CD4: variants seen among roughly 807,000 people sequenced by gnomAD.
CD4 encodes the protein CD4 molecule, also known as T-cell surface glycoprotein CD4.
In CD4, 25 loss-of-function variants were observed where a neutral mutation model predicts 50.5. The ratio of observed to expected loss-of-function variants is 0.49; its 90% CI spans 0.36 to 0.69. The LOEUF is 0.69. CD4 is among the 30% of genes least tolerant of loss of function. CD4 has a pLI of 0.00. For missense variants in CD4, 456 were observed against 548.5 expected, an observed-to-expected ratio of 0.83 and a Z score of 1.68; for synonymous variants, 207 against 221.9, an observed-to-expected ratio of 0.93 and a Z score of 0.60.
At chr12:6,806,160 C>G (rs76714906) in intron 3 of CD4, among the ~76,000 whole-genome samples, 1 of 100,694 alleles carries the variant, frequency 9.9e-6, no homozygotes, top group Non-Finnish European at 1.9e-5. Flanking sequence ...GGTACATACA[C>G]ACACACACAC....
At chr12:6,808,256 A>G (rs1942830635) in intron 3 of CD4, among the ~76,000 whole-genome samples, 5 of 140,806 alleles carry the variant, frequency 3.6e-5, no homozygotes, top group Admixed American at 2.2e-4. Context: ...AGATTGAGCC[A>G]CTCTGGCTAA....
intron 1 of CD4, among the ~76,000 whole-genome samples, chr12:6,793,434 G>A (rs1171067095): frequency 2.6e-5 from 4 of 152,084 alleles, no homozygotes; most frequent in Non-Finnish European, 5.9e-5. Context: ...GTCAGTCTGG[G>A]ATGGGGGACA....
At chr12:6,791,507 T>G (rs967119576) in intron 1 of CD4, among the ~76,000 whole-genome samples, 1 of 152,224 alleles carries the variant, frequency 6.6e-6, no homozygotes, top group Non-Finnish European at 1.5e-5. Flanking sequence ...CCTCCCAAAG[T>G]GCTGGCATTA....
chr12:6,792,902 C>G lies in CD4; in HGVS notation c.-68+3240C>G, dbSNP rs926502991. On this transcript the variant is annotated intron_variant, in intron 1 of 9. Transcript: ENST00000011653. This position sits in a 1 kb window ranked among gnomAD's most constrained non-coding sequence, Gnocchi z 4.1. Reference sequence around the variant, plus strand: ...GGGAGCTGCAGGCTGGGGGCATAAGCTGGGGGCTGGGAAGCATAGATACAG... The same window carrying G: ...GGGAGCTGCAGGCTGGGGGCATAAGGTGGGGGCTGGGAAGCATAGATACAG... 5.3e-5 allele frequency among the ~76,000 whole-genome samples: 8 copies of G among 151,948 alleles called. No individual in the cohort carries two copies. The highest frequency in any genetic ancestry group is 2.0e-4 in the Admixed American group (3 of 15,248).
Position 6,819,624 on chromosome 12 carries a change from G to A in CD4, c.*295G>A. 2.1e-6 allele frequency: 1 copy of A among 466,052 alleles called. No individual in the cohort carries two copies. Among genetic ancestry groups the A allele is most frequent in the Non-Finnish European group, 3.9e-6 (1 of 255,514 alleles). 28.9% of individuals were successfully genotyped at this position (466,052 alleles called of 1,614,324 possible). ...TCCCCACTGCTCATTTGGATCCCAG[G>A]GGAGTGTTCAGGGCCAGCCCTGGCT... On this transcript the variant is annotated 3_prime_UTR_variant, in exon 10 of 10. Transcript: ENST00000011653.
At chr12:6,812,839 T>C (rs192694557) in intron 3 of CD4, among the ~76,000 whole-genome samples, 71 of 151,846 alleles carry the variant, frequency 4.7e-4, no homozygotes, top group African/African-American at 1.4e-3. Context: ...TCACCAAGGC[T>C]GGAATGCAGT....
chr12:6,793,912 C>G (rs1294940976), intron 1 of CD4, among the ~76,000 whole-genome samples: 19 of 151,398 alleles, frequency 1.3e-4, no homozygotes, highest in Admixed American at 1.1e-3. Context: ...CTCGGCCTCC[C>G]AAGGTGCTGG....
intron 1 of CD4, among the ~76,000 whole-genome samples, chr12:6,798,317 C>T (rs1310603794): frequency 7.5e-6 from 1 of 133,558 alleles, no homozygotes; most frequent in Non-Finnish European, 1.7e-5. Flanking sequence ...CTACAGGCGC[C>T]CGCCACCACG....
chr12:6,818,548 TA>T lies in CD4; in HGVS notation c.1278+8del. ...TCAGGTGCCGGCACCGAAGGGTGAG[TA>T]ACCCCACACCTGGTCCCCACAAGGC... is the stretch of plus-strand genomic sequence containing the variant. On this transcript the variant is annotated splice_region_variant and intron_variant, in intron 8 of 9. Transcript: ENST00000011653. The surrounding 1 kb of genome is among the most constrained non-coding windows in gnomAD (Gnocchi z 5.0). 2 of 1,612,220 alleles carry T rather than the reference TA, an allele frequency of 1.2e-6. No homozygotes were observed. Among genetic ancestry groups the T allele is most frequent in the Non-Finnish European group, 1.7e-6 (2 of 1,179,924 alleles).
In CD4 at chr12:6,814,793, G is replaced by A. The variant is rs1180919031; in HGVS notation, c.408G>A (p.Gly136=). 1 of 1,613,618 alleles carries A rather than the reference G, an allele frequency of 6.2e-7. No individual in the cohort carries two copies. Among genetic ancestry groups the A allele is most frequent in the Non-Finnish European group, 8.5e-7 (1 of 1,179,794 alleles). ...ACTCTGACACCCACCTGCTTCAGGG[G>A]CAGAGCCTGACCCTGACCTTGGAGA... The part of the protein sequence containing the change: ...TANSDTHLLQ[G]QSLTLTLESP... Residue 136 remains glycine (G), a synonymous_variant, in exon 5 of 10, where the codon GGG becomes GGA. Transcript: ENST00000011653.
chr12:6,807,823 G>A (rs781785407), intron 3 of CD4, among the ~76,000 whole-genome samples: 2 of 152,290 alleles, frequency 1.3e-5, no homozygotes, highest in South Asian at 2.1e-4. Context: ...GCTCACATCT[G>A]TAATCTCAGC....
At position 6,807,917 on chromosome 12, in the gene CD4, T is replaced by C. The variant is rs782230302; in HGVS notation, c.215-6225T>C. On this transcript the variant is annotated intron_variant, in intron 3 of 9. Transcript: ENST00000011653. ...CCAACATGGCAAAACCGGTCTCTAC[T>C]AAAAATACAAAAATTAGCTGGGCGT... Among the ~76,000 whole-genome samples, 15 of 151,590 alleles carry C rather than the reference T, an allele frequency of 9.9e-5. No homozygotes were observed. The South Asian group carries it at 2.7e-3, about 27-fold the overall frequency.
intron 3 of CD4, among the ~76,000 whole-genome samples, chr12:6,813,127 G>C (rs1942986622): frequency 6.6e-6 from 1 of 151,858 alleles, no homozygotes; most frequent in Non-Finnish European, 1.5e-5. Context: ...CTGGAGTGCA[G>C]TGGTGCCATC....
chr12:6,819,524 T>A lies in CD4; in HGVS notation c.*195T>A. On this transcript the variant is annotated 3_prime_UTR_variant, in exon 10 of 10. Transcript: ENST00000011653. Reference sequence around the variant, plus strand: ...TGTTGCTCTCTAGTTTCCAGAGGCTTAATCACACCGTCCTCCACGCCATTT... The same window carrying A: ...TGTTGCTCTCTAGTTTCCAGAGGCTAAATCACACCGTCCTCCACGCCATTT... 3.3e-6 allele frequency: 2 copies of A among 613,504 alleles called. No individual in the cohort carries two copies. Among genetic ancestry groups the A allele is most frequent in the Admixed American group, 5.6e-5 (2 of 35,618 alleles). The allele number at this position is 613,504 out of a possible 1,614,324, so 38.0% of individuals were successfully genotyped here. A position where few individuals can be genotyped will look rare whatever the true frequency, so the allele number is the denominator to read the frequency against.
At chr12:6,812,174 C>T (rs978048667) in intron 3 of CD4, among the ~76,000 whole-genome samples, 8 of 151,772 alleles carry the variant, frequency 5.3e-5, no homozygotes, top group Admixed American at 2.0e-4. Flanking sequence ...CTGAGGTGGG[C>T]GGGTTGCTTG....
At chr12:6,808,450 C>CAAAAAAAAAAAAAAAAAAAA (rs3032789) in intron 3 of CD4, among the ~76,000 whole-genome samples, 1 of 37,814 alleles carries the variant, frequency 2.6e-5, no homozygotes, top group African/African-American at 5.0e-5. Flanking sequence ...GATTCTGTCT[C>CAAAAAAAAAAAAAAAAAAAA]AAAAAAAAAA....
At chr12:6,811,491 C>CTTTTTTTTT (rs11318741) in intron 3 of CD4, among the ~76,000 whole-genome samples, 17 of 111,030 alleles carry the variant, frequency 1.5e-4, no homozygotes, top group Non-Finnish European at 1.9e-4. Context: ...TTTTCTTTTT[C>CTTTTTTTTT]TTTTTTTTTT....
rs1398866484 is a variant in CD4 at position 6,820,567 on chromosome 12, T to A, written c.*1238T>A. On this transcript the variant is annotated 3_prime_UTR_variant, in exon 10 of 10. Transcript: ENST00000011653. Reference sequence around the variant, plus strand: ...ATTCAGGACACAGGGAAATCAGGGTTACAAATCTTCTTGATCCACTTCTCT... The same window carrying A: ...ATTCAGGACACAGGGAAATCAGGGTAACAAATCTTCTTGATCCACTTCTCT... The A allele has an allele frequency of 6.6e-6, 1 of 152,510 alleles. No individual in the cohort carries two copies. Among genetic ancestry groups the A allele is most frequent in the African/African-American group, 2.4e-5 (1 of 41,446 alleles). The allele number at this position is 152,510 out of a possible 1,614,324, so 9.4% of individuals were successfully genotyped here.
chr12:6,814,001 C>G lies in CD4; in HGVS notation c.215-141C>G, dbSNP rs1265913939. ...GATATGATGAGACCTCCTTGCCAGA[C>G]CGGGTTTCTCTGATTAGAACGAGGA... On this transcript the variant is annotated intron_variant, in intron 3 of 9. Coordinates refer to ENST00000011653, the MANE Select transcript of CD4 (RefSeq NM_000616.5). The G allele has an allele frequency of 4.2e-6, 3 of 712,970 alleles. No individual in the cohort carries two copies. In the African/African-American group the frequency reaches 5.3e-5, roughly 13 times the overall value. The allele number at this position is 712,970 out of a possible 1,614,324, so 44.2% of individuals were successfully genotyped here. A position where few individuals can be genotyped will look rare whatever the true frequency, so the allele number is the denominator to read the frequency against.
Sources: gnomAD v4.1 joint callset for allele counts (sites outside exome capture counted in the v4.1 genomes callset) on GRCh38, gnomAD v4.1.1 for gene constraint, Gnocchi (gnomAD v3.1) non-coding constraint, MANE v1.5 for transcripts, NCBI Gene and HGNC (gene_info 2026-07-23, HGNC 2026-07-21) for gene names.